The following PIEZO2 variants were observed in gnomAD, a reference collection of about 807,000 sequenced individuals.
PIEZO2 encodes piezo type mechanosensitive ion channel component 2, also known as piezo-type mechanosensitive ion channel component 2.
In PIEZO2, 172 loss-of-function variants were observed where a neutral mutation model predicts 337.3. That is an observed-to-expected ratio of 0.51 (90% CI 0.45 to 0.58). The LOEUF is 0.58. Ranked by LOEUF, PIEZO2 falls within the 20% of genes least tolerant of loss-of-function variation. The probability of loss-of-function intolerance (pLI) is 0.00; values close to 1 mark genes in which losing one functional copy is unlikely to be tolerated. For missense variants in PIEZO2, 3,028 were observed against 3,391.3 expected (o/e 0.89, Z 2.66); for synonymous variants, 1,251 against 1,228.5 (o/e 1.02, Z -0.38).
rs1021425360 is a variant in PIEZO2, at chr18:10,673,586, G to A, written c.8162-713C>T. Reference sequence around the variant, plus strand: ...GCAAATCTCTGAGAACCATAATATCGGGTCAGTGATTACTTTTATTGGAGT... The same window carrying A: ...GCAAATCTCTGAGAACCATAATATCAGGTCAGTGATTACTTTTATTGGAGT... On this transcript the variant is annotated intron_variant, in intron 54 of 55. Coordinates refer to ENST00000674853, the MANE Select transcript of PIEZO2 (RefSeq NM_001378183.1). This position sits in a 1 kb window ranked among gnomAD's most constrained non-coding sequence, Gnocchi z 4.8. Among the ~76,000 whole-genome samples, 6 of 152,220 alleles carry A rather than the reference G, an allele frequency of 3.9e-5. No homozygotes were observed. The highest frequency in any genetic ancestry group is 2.1e-4 in the South Asian group (1 of 4,808).
At chr18:10,820,266 T>C (rs1023975343) in intron 7 of PIEZO2, among the ~76,000 whole-genome samples, 3 of 152,102 alleles carry the variant, frequency 2.0e-5, no homozygotes, top group African/African-American at 7.2e-5. Context: ...TACATTTGTC[T>C]ATGCCCACAT....
Position 11,143,380 on chromosome 18 carries a change from C to G in PIEZO2, c.64+5145G>C, listed in dbSNP as rs542186203. ...ATTCACTGTTAGTAGCACAAGAACC[C>G]AAAAGGAAAATGACATGTTAGAAAT... On this transcript the variant is annotated intron_variant, in intron 1 of 55. Coordinates refer to ENST00000674853, the MANE Select transcript of PIEZO2 (RefSeq NM_001378183.1). The surrounding 1 kb of genome is among the most constrained non-coding windows in gnomAD (Gnocchi z 4.9). Among the ~76,000 whole-genome samples, 9 of 151,582 alleles carry G rather than the reference C, an allele frequency of 5.9e-5. No individual in the cohort carries two copies. The highest frequency in any genetic ancestry group is 2.2e-4 in the African/African-American group (9 of 41,302).
At chr18:10,754,163 T>A (rs1341151717) in intron 27 of PIEZO2, among the ~76,000 whole-genome samples, 1 of 152,238 alleles carries the variant, frequency 6.6e-6, no homozygotes, top group African/African-American at 2.4e-5. Flanking sequence ...GGTCCAGAAT[T>A]CATAAAACTA....
Position 10,766,182 on chromosome 18 carries a change from C to T in PIEZO2, c.2947-3084G>A, listed in dbSNP as rs181190770. ...AAGAGATCATGATCTCATCATTTTC[C>T]TGATGGTAAGAATCTCGTGGAAGGA... On this transcript the variant is annotated intron_variant, in intron 21 of 55. Transcript: ENST00000674853. The surrounding 1 kb of genome is among the most constrained non-coding windows in gnomAD (Gnocchi z 6.1). Among the ~76,000 whole-genome samples the T allele has an allele frequency of 1.6e-4, 25 of 151,646 alleles. No individual in the cohort carries two copies. Among genetic ancestry groups the T allele is most frequent in the African/African-American group, 5.3e-4 (22 of 41,320 alleles).
At chr18:10,966,881 C>T (rs1393864269) in intron 3 of PIEZO2, among the ~76,000 whole-genome samples, 1 of 152,098 alleles carries the variant, frequency 6.6e-6, no homozygotes, top group Non-Finnish European at 1.5e-5. Context: ...TTTGGTTTCC[C>T]ATTCCTGAGA....
intron 1 of PIEZO2, among the ~76,000 whole-genome samples, chr18:11,118,178 G>C (rs1407934351): frequency 1.3e-5 from 2 of 152,126 alleles, no homozygotes; most frequent in Admixed American, 1.3e-4. Flanking sequence ...CCCTACAAAT[G>C]GGCACCTGTG....
In PIEZO2 at chr18:11,132,610, G is replaced by A. The variant is rs546025457; in HGVS notation, c.64+15915C>T. Among the ~76,000 whole-genome samples the A allele has an allele frequency of 3.9e-5, 6 of 152,256 alleles. No individual in the cohort carries two copies. The South Asian group carries it at 1.2e-3, about 32-fold the overall frequency. On this transcript the variant is annotated intron_variant, in intron 1 of 55. Coordinates refer to ENST00000674853, the MANE Select transcript of PIEZO2 (RefSeq NM_001378183.1). The surrounding 1 kb of genome is among the most constrained non-coding windows in gnomAD (Gnocchi z 4.7). ...CTAGTGATCCACTAGCAAAATTTTT[G>A]CTTCCTGTTCCCGTGACATTACGTT... is the stretch of plus-strand genomic sequence containing the variant.
At chr18:10,729,493 G>A (rs975082198) in intron 36 of PIEZO2, among the ~76,000 whole-genome samples, 3 of 151,934 alleles carry the variant, frequency 2.0e-5, no homozygotes, top group African/African-American at 7.3e-5. Context: ...GCGTGGTGGT[G>A]TGCGCCTATA....
At chr18:10,966,427 C>T (rs961077356) in intron 3 of PIEZO2, among the ~76,000 whole-genome samples, 1 of 152,196 alleles carries the variant, frequency 6.6e-6, no homozygotes, top group Non-Finnish European at 1.5e-5. Flanking sequence ...ATCCCTCTTC[C>T]ACACAGATGG....
In PIEZO2 at chr18:10,941,620, T is replaced by C. The variant is rs180778104; in HGVS notation, c.287-30392A>G. 2.6e-5 allele frequency among the ~76,000 whole-genome samples: 4 copies of C among 152,268 alleles called. No individual in the cohort carries two copies. The East Asian group carries it at 7.7e-4, about 29-fold the overall frequency. On this transcript the variant is annotated intron_variant, in intron 3 of 55. Transcript: ENST00000674853. ...CCTCTAAGTATTTCTCTAGGACAAA[T>C]GTTCCAGGAATAAGAGATGAAAGTA... is the stretch of plus-strand genomic sequence containing the variant.
chr18:10,996,327 C>A (rs534361519), intron 2 of PIEZO2, among the ~76,000 whole-genome samples: 6 of 152,258 alleles, frequency 3.9e-5, no homozygotes, highest in African/African-American at 1.2e-4. Context: ...AGTCAGATTT[C>A]TTGAGTGCAA....
chr18:10,822,441 A>G (rs181896905), intron 7 of PIEZO2, among the ~76,000 whole-genome samples: 1 of 152,228 alleles, frequency 6.6e-6, no homozygotes, highest in Non-Finnish European at 1.5e-5. Context: ...ATGGCTAAAA[A>G]TACCTTTGAG....
rs546559712 is a variant in PIEZO2, at chr18:10,794,081, C to T, written c.1758+691G>A. On this transcript the variant is annotated intron_variant, in intron 13 of 55. Transcript: ENST00000674853. The surrounding 1 kb of genome is among the most constrained non-coding windows in gnomAD (Gnocchi z 6.6). Reference sequence around the variant, plus strand: ...TTCCAAGACCCATTCAATATAAACACGTTTATTTTTACTGTCTTAAAACTA... The same window carrying T: ...TTCCAAGACCCATTCAATATAAACATGTTTATTTTTACTGTCTTAAAACTA... 1.3e-5 allele frequency among the ~76,000 whole-genome samples: 2 copies of T among 152,240 alleles called. No homozygotes were observed. Among genetic ancestry groups the T allele is most frequent in the East Asian group, 1.9e-4 (1 of 5,188 alleles).
intron 3 of PIEZO2, among the ~76,000 whole-genome samples, chr18:10,926,463 G>A (rs2031746364): frequency 6.6e-6 from 1 of 152,176 alleles, no homozygotes; most frequent in Non-Finnish European, 1.5e-5. Flanking sequence ...CAATCAGGCA[G>A]ATGAAACAGG....
intron 2 of PIEZO2, among the ~76,000 whole-genome samples, chr18:10,994,932 G>C (rs1196682380): frequency 2.6e-5 from 4 of 151,716 alleles, no homozygotes; most frequent in Admixed American, 2.6e-4. Context: ...AATTAGCCAG[G>C]TGTGATGGCA....
chr18:10,869,425 C>CAA (rs1381780233), intron 5 of PIEZO2, among the ~76,000 whole-genome samples: 4 of 152,072 alleles, frequency 2.6e-5, no homozygotes, highest in African/African-American at 9.7e-5. Context: ...ATGTAACAAA[C>CAA]CTGCACTTTC....
intron 3 of PIEZO2, among the ~76,000 whole-genome samples, chr18:10,967,583 T>A (rs2034063640): frequency 6.6e-6 from 1 of 152,214 alleles, no homozygotes; most frequent in African/African-American, 2.4e-5. Flanking sequence ...TAAAATTGTT[T>A]CCTTTTTAGC....
In PIEZO2 at chr18:11,148,567, C is replaced by G. The variant is rs1372741057; in HGVS notation, c.22G>C (p.Gly8Arg). MASEVVC[G>R]LIFRLLLPIC... ...GGCAGCAGCAGCCTGAAGATGAGCC[C>G]GCACACCACTTCTGAGGCCATCGCG... Residue 8 changes from glycine to arginine, a missense_variant, in exon 1 of 56, where the codon GGG (glycine) becomes CGG (arginine). Transcript: ENST00000674853. This position sits in a 1 kb window ranked among gnomAD's most constrained non-coding sequence, Gnocchi z 5.2. The G allele has an allele frequency of 2.0e-6, 3 of 1,537,070 alleles. No homozygotes were observed. The highest frequency in any genetic ancestry group is 2.6e-6 in the Non-Finnish European group (3 of 1,146,910).
rs756948629 is a variant in PIEZO2 at position 10,855,794 on chromosome 18, A to G, written c.704-228T>C. Among the ~76,000 whole-genome samples the G allele has an allele frequency of 5.9e-5, 9 of 152,232 alleles. No homozygotes were observed. Among genetic ancestry groups the G allele is most frequent in the Non-Finnish European group, 1.2e-4 (8 of 68,046 alleles). On this transcript the variant is annotated intron_variant, in intron 6 of 55. Coordinates refer to ENST00000674853, the MANE Select transcript of PIEZO2 (RefSeq NM_001378183.1). This position sits in a 1 kb window ranked among gnomAD's most constrained non-coding sequence, Gnocchi z 4.9. The stretch of plus-strand genomic sequence containing the variant: ...AACTATAAATACAAAGATATACCAG[A>G]TGATTAAAAAAATTCCACCTGTGGC...
Sources: gnomAD v4.1 joint callset for allele counts (sites outside exome capture counted in the v4.1 genomes callset) on GRCh38, gnomAD v4.1.1 for gene constraint, Gnocchi (gnomAD v3.1) non-coding constraint, MANE v1.5 for transcripts, NCBI Gene and HGNC (gene_info 2026-07-23, HGNC 2026-07-21) for gene names.